Variants in FOXO3 observed in about 807,000 individuals in gnomAD.
The protein encoded by FOXO3 is forkhead box O3.
A neutral mutation model predicts 41.9 loss-of-function variants in FOXO3; 4 were observed. The observed-to-expected ratio is 0.10, with a 90% CI of 0.05 to 0.22. The LOEUF (loss-of-function observed/expected upper bound fraction) is 0.22. Among genes scored for constraint, FOXO3 ranks in the 10% least tolerant of loss-of-function variants. FOXO3 has a pLI of 1.00. For synonymous variants in FOXO3, 318 were observed against 389.3 expected, an observed-to-expected ratio of 0.82 and a Z score of 2.16; for missense variants, 534 against 906.8, an observed-to-expected ratio of 0.59 and a Z score of 5.28.
chr6:108,569,869 A>G (rs576238724), intron 1 of FOXO3, among the ~76,000 whole-genome samples: 1 of 151,872 alleles, frequency 6.6e-6, no homozygotes, highest in South Asian at 2.1e-4. Context: ...GAGTGAACCT[A>G]TAGTAAACCC....
intron 1 of FOXO3, among the ~76,000 whole-genome samples, chr6:108,563,206 T>G (rs9384680): frequency 0.075 from 11,421 of 152,238 alleles, 588 homozygotes; most frequent in South Asian, 0.22. Flanking sequence ...TTATTTTGCT[T>G]CTAGAAAACC....
At chr6:108,658,558 G>GT (rs1214183393) in intron 1 of FOXO3, among the ~76,000 whole-genome samples, 2 of 152,036 alleles carry the variant, frequency 1.3e-5, no homozygotes, top group East Asian at 3.9e-4. Context: ...TTTTTTGTGT[G>GT]TTTTTTTGAG....
chr6:108,602,546 T>G (rs1291401146), intron 1 of FOXO3, among the ~76,000 whole-genome samples: 4 of 152,116 alleles, frequency 2.6e-5, no homozygotes, highest in Non-Finnish European at 5.9e-5. Context: ...GGGTAAAGAA[T>G]TACAGGAAAT....
At chr6:108,676,917 A>G (rs563068014) in intron 2 of FOXO3, among the ~76,000 whole-genome samples, 1 of 152,332 alleles carries the variant, frequency 6.6e-6, no homozygotes, top group South Asian at 2.1e-4. Context: ...TGAGAAGGTT[A>G]ATTGTATTTC....
chr6:108,622,780 G>A (rs1406605311), intron 1 of FOXO3, among the ~76,000 whole-genome samples: 1 of 152,070 alleles, frequency 6.6e-6, no homozygotes, highest in Non-Finnish European at 1.5e-5. Context: ...CTGAGCAAGG[G>A]TGGCAGCAGC....
chr6:108,650,177 C>T (rs1778509343), intron 1 of FOXO3, among the ~76,000 whole-genome samples: 1 of 152,116 alleles, frequency 6.6e-6, no homozygotes, highest in Non-Finnish European at 1.5e-5. Flanking sequence ...GGTCAGGGGT[C>T]CTGCATCCTC....
chr6:108,585,312 G>A (rs1349063626), intron 1 of FOXO3, among the ~76,000 whole-genome samples: 1 of 152,132 alleles, frequency 6.6e-6, no homozygotes, highest in African/African-American at 2.4e-5. Flanking sequence ...CAAAGTGCTG[G>A]GATTACAGGC....
intron 1 of FOXO3, among the ~76,000 whole-genome samples, chr6:108,654,664 G>C (rs1164701154): frequency 1.3e-5 from 2 of 151,938 alleles, no homozygotes; most frequent in African/African-American, 2.4e-5. Flanking sequence ...GCAGTTTAAC[G>C]GGAAATCTTG....
intron 1 of FOXO3, among the ~76,000 whole-genome samples, chr6:108,593,392 C>CTT (rs555822829): frequency 1.8e-4 from 26 of 146,416 alleles, no homozygotes; most frequent in Non-Finnish European, 2.7e-4. Context: ...TTTCTTTTTT[C>CTT]TTTTTTTTTT....
chr6:108,593,743 G>A (rs369059651), intron 1 of FOXO3, among the ~76,000 whole-genome samples: 1 of 93,954 alleles, frequency 1.1e-5, no homozygotes, highest in Non-Finnish European at 1.9e-5. Context: ...TTGAGATGTA[G>A]TCTCGCCCTG....
intron 1 of FOXO3, among the ~76,000 whole-genome samples, chr6:108,572,494 C>G (rs1234261583): frequency 6.6e-6 from 1 of 152,174 alleles, no homozygotes; most frequent in Non-Finnish European, 1.5e-5. Flanking sequence ...AAGCATAGAA[C>G]ATGGAGTGGT....
intron 1 of FOXO3, among the ~76,000 whole-genome samples, chr6:108,579,569 A>C (rs1212386315): frequency 6.6e-6 from 1 of 152,152 alleles, no homozygotes; most frequent in Non-Finnish European, 1.5e-5. Context: ...GGACAGTAGG[A>C]TCCTTTCCAG....
At chr6:108,574,183 C>T (rs2490272) in intron 1 of FOXO3, among the ~76,000 whole-genome samples, 74,075 of 150,070 alleles carry the variant, frequency 0.49, 20,790 homozygotes, top group East Asian at 0.68. Context: ...GAAGAATTAG[C>T]GCGTACCTGG....
intron 1 of FOXO3, among the ~76,000 whole-genome samples, chr6:108,616,762 A>C (rs910368700): frequency 2.0e-5 from 3 of 152,318 alleles, no homozygotes; most frequent in African/African-American, 7.2e-5. Context: ...CACCCCACAA[A>C]GAAACCTTGT....
chr6:108,616,156 G>GTTTTTTTTTTTT (rs35632295), intron 1 of FOXO3, among the ~76,000 whole-genome samples: 4 of 55,156 alleles, frequency 7.3e-5, no homozygotes, highest in Admixed American at 3.1e-4. Context: ...CCCAACTAAG[G>GTTTTTTTTTTTT]TTTTTTTTTT....
intron 1 of FOXO3, among the ~76,000 whole-genome samples, chr6:108,645,411 C>T (rs1409873961): frequency 6.6e-6 from 1 of 151,634 alleles, no homozygotes; most frequent in Non-Finnish European, 1.5e-5. Flanking sequence ...TCTCTTCGAG[C>T]CTTCTTTCCC....
chr6:108,672,446 A>G (rs958118508), intron 2 of FOXO3, among the ~76,000 whole-genome samples: 12 of 152,192 alleles, frequency 7.9e-5, no homozygotes, highest in African/African-American at 1.2e-4. Context: ...ACTAAAATAC[A>G]TCGCCCTGTA....
intron 1 of FOXO3, among the ~76,000 whole-genome samples, chr6:108,575,173 A>C (rs1465150939): frequency 6.6e-6 from 1 of 152,242 alleles, no homozygotes; most frequent in Non-Finnish European, 1.5e-5. Context: ...CAGTTAAGTC[A>C]TTAATTCAGG....
intron 2 of FOXO3, among the ~76,000 whole-genome samples, chr6:108,672,741 C>G (rs1056119236): frequency 6.6e-6 from 1 of 152,186 alleles, no homozygotes; most frequent in African/African-American, 2.4e-5. Flanking sequence ...CTCCCTGTCT[C>G]TTCCTCTCTC....
Sources: gnomAD v4.1 joint callset for allele counts (sites outside exome capture counted in the v4.1 genomes callset) on GRCh38, gnomAD v4.1.1 for gene constraint, MANE v1.5 for transcripts, NCBI Gene and HGNC (gene_info 2026-07-23, HGNC 2026-07-21) for gene names.